The following FANCA variants were observed in gnomAD, a reference collection of about 807,000 sequenced individuals.
The protein encoded by FANCA is FA complementation group A, also known as Fanconi anemia group A protein.
FANCA carries 236 observed loss-of-function variants against 194.3 expected under a neutral mutation model. The observed-to-expected ratio is 1.21, with a 90% CI of 1.09 to 1.35. The LOEUF is 1.35. FANCA is among the 40% of genes most tolerant of loss of function. The pLI is 0.00. For missense variants in FANCA, 2,628 were observed against 1,813.9 expected, an observed-to-expected ratio of 1.45 and a Z score of -8.15; for synonymous variants, 1,014 against 715.8, an observed-to-expected ratio of 1.42 and a Z score of -6.65.
intron 8 of FANCA, among the ~76,000 whole-genome samples, chr16:89,801,297 T>C (rs2040442870): frequency 1.5e-5 from 2 of 136,402 alleles, no homozygotes; most frequent in Non-Finnish European, 3.0e-5. Flanking sequence ...TGAGCCGAGA[T>C]CGCGCCACTG....
chr16:89,789,436 C>CTT (rs532159256), intron 14 of FANCA, among the ~76,000 whole-genome samples: 104 of 102,518 alleles, frequency 1.0e-3, no homozygotes, highest in Non-Finnish European at 1.5e-3. Context: ...AAACTCAATA[C>CTT]TTTTTTTTTT....
At chr16:89,752,287 CCT>C in intron 30 of FANCA, 65 bp from the exon 31 acceptor site, 1 of 1,294,112 alleles carries the variant, frequency 7.7e-7, no homozygotes, top group Non-Finnish European at 1.1e-6. Context: ...TCCCAGTTCT[CCT>C]CCTGCCTCCG....
At chr16:89,784,715 G>T in intron 15 of FANCA, 139 bp downstream of exon 15, 2 of 659,018 alleles carry the variant, frequency 3.0e-6, no homozygotes, top group South Asian at 1.5e-5. Flanking sequence ...GCTTGGGGAA[G>T]GGGAAGGGGA....
intron 14 of FANCA, 61 bp downstream of exon 14, chr16:89,791,342 C>A: frequency 6.3e-7 from 1 of 1,593,496 alleles, no homozygotes; most frequent in African/African-American, 1.3e-5. Context: ...ACAGCATGGT[C>A]CCCACTCCCA....
rs565176057 is a variant in FANCA, at chr16:89,812,858, C to T, written c.283+1662G>A. On this transcript the variant is annotated intron_variant, in intron 3 of 42. Coordinates refer to ENST00000389301, the MANE Select transcript of FANCA (RefSeq NM_000135.4). The stretch of plus-strand genomic sequence containing the variant: ...GACCAGCCTGGCCAAGATGGTGAAA[C>T]CCCGCCTCTACTAAAAATACAAAAA... Among the ~76,000 whole-genome samples, 578 of 151,134 alleles carry T rather than the reference C, an allele frequency of 3.8e-3. 2 individuals carry two copies. Among genetic ancestry groups the T allele is most frequent in the Non-Finnish European group, 6.3e-3 (429 of 67,760 alleles).
At chr16:89,809,657 CT>C (rs1701468817) in intron 5 of FANCA, among the ~76,000 whole-genome samples, 1 of 151,818 alleles carries the variant, frequency 6.6e-6, no homozygotes, top group Admixed American at 6.6e-5. Context: ...TGAGACCAGC[CT>C]GACCAACATG....
At chr16:89,771,075 G>C (rs2039307435) in intron 23 of FANCA, among the ~76,000 whole-genome samples, 1 of 149,144 alleles carries the variant, frequency 6.7e-6, no homozygotes, top group Non-Finnish European at 1.5e-5. Context: ...TGAGGCAAGA[G>C]AACTGCTTGA....
intron 22 of FANCA, 30 bp from the exon 23 acceptor site, chr16:89,771,844 C>G (rs2143352157): frequency 6.2e-7 from 1 of 1,612,770 alleles, no homozygotes. Flanking sequence ...TTAGGGATGA[C>G]AAGAACCCCG....
chr16:89,798,015 A>T (rs376276004), intron 10 of FANCA, among the ~76,000 whole-genome samples: 21 of 152,094 alleles, frequency 1.4e-4, no homozygotes, highest in East Asian at 7.7e-4. Context: ...CACAGATTAT[A>T]AAAAAAAGCC....
chr16:89,761,908 A>T, intron 29 of FANCA, 41 bp downstream of exon 29: 1 of 1,507,172 alleles, frequency 6.6e-7, no homozygotes, highest in South Asian at 1.1e-5. Flanking sequence ...TATAGGTGTG[A>T]GCCATCATGC....
rs773613283 is a variant in FANCA, at chr16:89,778,812, C to T, written c.1815G>A (p.Glu605=). ...CCGTTGCTGCATACCTCTTCAGAGA[C>T]TCTATAAACGCCACACGGGAGTCAG... ...KVPDSRVAFI[E]SLKRADKIPP... Residue 605 remains glutamate (E), a synonymous_variant, in exon 20 of 43, where the codon GAG becomes GAA. Coordinates refer to ENST00000389301, the MANE Select transcript of FANCA (RefSeq NM_000135.4). 6.1e-5 allele frequency: 99 copies of T among 1,613,912 alleles called. No individual in the cohort carries two copies. The highest frequency in any genetic ancestry group is 7.8e-5 in the Non-Finnish European group (92 of 1,179,990).
intron 37 of FANCA, among the ~76,000 whole-genome samples, chr16:89,742,377 G>C (rs916144636): frequency 8.2e-6 from 1 of 122,502 alleles, no homozygotes; most frequent in Non-Finnish European, 1.6e-5. Flanking sequence ...AGGATGGCTT[G>C]AGCCCAGAAG....
chr16:89,793,167 A>T (rs2040134523), intron 11 of FANCA, among the ~76,000 whole-genome samples: 1 of 152,112 alleles, frequency 6.6e-6, no homozygotes, highest in Non-Finnish European at 1.5e-5. Flanking sequence ...CCGGGGGGAA[A>T]GGGAGAGTCC....
chr16:89,769,628 G>A, intron 26 of FANCA: 1 of 633,534 alleles, frequency 1.6e-6, no homozygotes, highest in Non-Finnish European at 2.8e-6. Context: ...AGTATAATAT[G>A]ATCTCATTTT....
At chr16:89,776,153 GTTTTTCTTT>G (rs1211819303) in intron 20 of FANCA, among the ~76,000 whole-genome samples, 1 of 91,802 alleles carries the variant, frequency 1.1e-5, no homozygotes, top group African/African-American at 3.8e-5. Context: ...ACGAATCTTT[GTTTTTCTTT>G]TTTTTTTTTT....
intron 32 of FANCA, 61 bp downstream of exon 32, chr16:89,749,669 C>A (rs756057744): frequency 4.8e-5 from 75 of 1,563,998 alleles, no homozygotes; most frequent in Middle Eastern, 1.7e-4. Context: ...CCTCTAGGAC[C>A]GTCATGAGAT....
chr16:89,742,497 A>G (rs1222005283), intron 37 of FANCA, among the ~76,000 whole-genome samples: 1 of 152,060 alleles, frequency 6.6e-6, no homozygotes, highest in East Asian at 1.9e-4. Context: ...TTTTACTAGT[A>G]AACTTGATAG....
chr16:89,765,923 G>A (rs912790033), intron 27 of FANCA, among the ~76,000 whole-genome samples: 1 of 152,176 alleles, frequency 6.6e-6, no homozygotes, highest in Non-Finnish European at 1.5e-5. Flanking sequence ...CTGGAAAGGG[G>A]CCAGGAATCT....
intron 17 of FANCA, among the ~76,000 whole-genome samples, chr16:89,782,314 A>G (rs1163721297): frequency 1.3e-5 from 2 of 151,812 alleles, no homozygotes; most frequent in South Asian, 2.1e-4. Context: ...GATTGAGACC[A>G]TTCTGGCTAA....
Sources: gnomAD v4.1 joint callset for allele counts (sites outside exome capture counted in the v4.1 genomes callset) on GRCh38, gnomAD v4.1.1 for gene constraint, MANE v1.5 for transcripts, NCBI Gene and HGNC (gene_info 2026-07-23, HGNC 2026-07-21) for gene names.